Variants in BTC observed in about 807,000 individuals in gnomAD.
BTC encodes betacellulin, also known as probetacellulin.
In BTC, 13 loss-of-function variants were observed where a neutral mutation model predicts 18.1. The ratio of observed to expected loss-of-function variants is 0.72; its 90% CI spans 0.47 to 1.14. BTC has a LOEUF of 1.14. Ranked by LOEUF, BTC falls within the 50% of genes most tolerant of loss-of-function variation. The probability of loss-of-function intolerance (pLI) is 0.00; values close to 1 mark genes in which losing one functional copy is unlikely to be tolerated. For synonymous variants in BTC, 83 were observed against 79.4 expected (o/e 1.05, Z -0.24); for missense variants, 247 against 224.2 (o/e 1.10, Z -0.65).
intron 4 of BTC, 125 bp from the exon 5 acceptor site, chr4:74,748,274 C>T (rs766852907): frequency 2.0e-5 from 11 of 549,568 alleles, no homozygotes; most frequent in Non-Finnish European, 2.4e-5. Context: ...CTAGGCCGGG[C>T]GCAGTGGCTC....
rs782735592 is a variant in BTC at position 74,749,482 on chromosome 4, CAAAA to C, written c.428+1087_428+1090del. 3.4e-3 allele frequency among the ~76,000 whole-genome samples: 418 copies of C among 121,972 alleles called. 4 individuals are homozygous for C. The highest frequency in any genetic ancestry group is 0.033 in the Middle Eastern group (8 of 244). The allele number at this position is 121,972 out of a possible 152,430, so 80.0% of individuals were successfully genotyped here. A position where few individuals can be genotyped will look rare whatever the true frequency, so the allele number is the denominator to read the frequency against. ...TGGGCAACAGAGCAAGACTCTGTCT[CAAAA>C]TAAATAAATAAATAAATAAATAAAT... On this transcript the variant is annotated intron_variant, in intron 4 of 5. Transcript: ENST00000395743.
chr4:74,752,332 T>C (rs1047543445), intron 3 of BTC, among the ~76,000 whole-genome samples: 1 of 151,060 alleles, frequency 6.6e-6, no homozygotes. Flanking sequence ...TCTTGAGATA[T>C]CAAAAATCTG....
intron 2 of BTC, among the ~76,000 whole-genome samples, chr4:74,765,140 T>C (rs950397042): frequency 6.7e-6 from 1 of 149,364 alleles, no homozygotes; most frequent in Non-Finnish European, 1.5e-5. Context: ...GGTAAATATA[T>C]CCTAAAGAAA....
chr4:74,790,340 A>G (rs1403248097), intron 1 of BTC, among the ~76,000 whole-genome samples: 2 of 152,182 alleles, frequency 1.3e-5, no homozygotes, highest in Non-Finnish European at 2.9e-5. Context: ...CATTTAATTC[A>G]CGTAATTGCA....
chr4:74,791,231 A>G lies in BTC; in HGVS notation c.64+3031T>C, dbSNP rs116449484. On this transcript the variant is annotated intron_variant, in intron 1 of 5. Coordinates refer to ENST00000395743, the MANE Select transcript of BTC (RefSeq NM_001729.4). ...GTGGCGAGTGCCTGTTGTCCCAGCT[A>G]CTCGAGAGGCTGAGACAGGAGAGTC... Among the ~76,000 whole-genome samples, 249 of 152,210 alleles carry G rather than the reference A, an allele frequency of 1.6e-3. 1 individual carries two copies. Among genetic ancestry groups the G allele is most frequent in the African/African-American group, 5.7e-3 (236 of 41,536 alleles).
chr4:74,784,812 C>T (rs751260135), intron 1 of BTC, among the ~76,000 whole-genome samples: 4 of 152,144 alleles, frequency 2.6e-5, no homozygotes, highest in Non-Finnish European at 5.9e-5. Context: ...TGATATGCTG[C>T]TGGATTTGGT....
chr4:74,770,473 G>A (rs1220746446), intron 1 of BTC, among the ~76,000 whole-genome samples: 1 of 152,170 alleles, frequency 6.6e-6, no homozygotes, highest in Non-Finnish European at 1.5e-5. Context: ...GTCCCTGAGT[G>A]AAACTACTGA....
intron 1 of BTC, among the ~76,000 whole-genome samples, chr4:74,784,048 C>T (rs142489762): frequency 6.6e-6 from 1 of 151,938 alleles, no homozygotes; most frequent in African/African-American, 2.4e-5. Flanking sequence ...GCCTGGCCAA[C>T]ATGATGAAAC....
At chr4:74,772,261 G>A (rs906901320) in intron 1 of BTC, among the ~76,000 whole-genome samples, 6 of 152,160 alleles carry the variant, frequency 3.9e-5, no homozygotes, top group Non-Finnish European at 8.8e-5. Flanking sequence ...GAAAAAAGGA[G>A]TGACTCATGT....
chr4:74,780,821 T>C lies in BTC; in HGVS notation c.65-10665A>G, dbSNP rs1348817101. Among the ~76,000 whole-genome samples, 3 of 152,020 alleles carry C rather than the reference T, an allele frequency of 2.0e-5. No homozygotes were observed. In the East Asian group the frequency reaches 5.8e-4, roughly 29 times the overall value. On this transcript the variant is annotated intron_variant, in intron 1 of 5. Coordinates refer to ENST00000395743, the MANE Select transcript of BTC (RefSeq NM_001729.4). ...AAAAGCTCAATTGTCTTTTTAAAAA[T>C]TCTTCGTTATTGGTTTCCCAGGTTC...
At chr4:74,763,295 C>A (rs1724813269) in intron 2 of BTC, among the ~76,000 whole-genome samples, 1 of 152,072 alleles carries the variant, frequency 6.6e-6, no homozygotes, top group Non-Finnish European at 1.5e-5. Flanking sequence ...AATAACTTTA[C>A]CAAAATAATT....
rs115184906 is a variant in BTC, at chr4:74,760,088, A to C, written c.164-4112T>G. Among the ~76,000 whole-genome samples, 1,059 of 152,358 alleles carry C rather than the reference A, an allele frequency of 7.0e-3. 2 individuals carry two copies. Among genetic ancestry groups the C allele is most frequent in the Non-Finnish European group, 0.01 (704 of 68,040 alleles). On this transcript the variant is annotated intron_variant, in intron 2 of 5. Transcript: ENST00000395743. ...AGTGTTCATCCAAATGTATTCAATA[A>C]TTTTGTAGATGACATTAATATCAGC...
chr4:74,782,584 T>C (rs1441611399), intron 1 of BTC, among the ~76,000 whole-genome samples: 1 of 152,168 alleles, frequency 6.6e-6, no homozygotes. Flanking sequence ...ATCTTTATAG[T>C]AGAATAATTT....
chr4:74,749,159 G>A lies in BTC; in HGVS notation c.429-1010C>T, dbSNP rs200958456. Among the ~76,000 whole-genome samples the A allele has an allele frequency of 4.9e-4, 74 of 152,204 alleles. 1 individual carries two copies. The East Asian group carries it at 5.6e-3, about 12-fold the overall frequency. On this transcript the variant is annotated intron_variant, in intron 4 of 5. Coordinates refer to ENST00000395743, the MANE Select transcript of BTC (RefSeq NM_001729.4). ...AAATCAAGTACTCTGGCCGGGCGCG[G>A]TGGCTCATGCCTGTAATCCCAGCAC...
chr4:74,747,051 C>T (rs1724310697), intron 5 of BTC, among the ~76,000 whole-genome samples: 1 of 152,178 alleles, frequency 6.6e-6, no homozygotes, highest in African/African-American at 2.4e-5. Flanking sequence ...TACGTGTGAG[C>T]CTCTGGTTTG....
chr4:74,760,800 T>C (rs1355413726), intron 2 of BTC, among the ~76,000 whole-genome samples: 2 of 151,022 alleles, frequency 1.3e-5, no homozygotes, highest in African/African-American at 4.9e-5. Flanking sequence ...AGTGGCACAA[T>C]CTCGGCTCAC....
intron 4 of BTC, among the ~76,000 whole-genome samples, chr4:74,749,195 C>T (rs562375991): frequency 6.3e-4 from 96 of 152,014 alleles, no homozygotes; most frequent in African/African-American, 2.3e-3. Context: ...TTTGGGATGC[C>T]GAGGTAGGTG....
chr4:74,759,727 G>A (rs1553957108), intron 2 of BTC, among the ~76,000 whole-genome samples: 1 of 151,510 alleles, frequency 6.6e-6, no homozygotes, highest in Non-Finnish European at 1.5e-5. Context: ...CTAAGGGTTT[G>A]CAAAAGGAAT....
chr4:74,744,775 ATTTAT>A lies in BTC; in HGVS notation c.*1897_*1901del, dbSNP rs1360101692. 2 of 152,214 alleles carry A rather than the reference ATTTAT, an allele frequency of 1.3e-5. No homozygotes were observed. The highest frequency in any genetic ancestry group is 4.8e-5 in the African/African-American group (2 of 41,464). 9.4% of individuals were successfully genotyped at this position (152,214 alleles called of 1,614,324 possible). A position where few individuals can be genotyped will look rare whatever the true frequency, so the allele number is the denominator to read the frequency against. ...CACGTTTACTTTGTTTTAAAAATAA[ATTTAT>A]TTTATTACATGATAATATTGACAGT... On this transcript the variant is annotated 3_prime_UTR_variant, in exon 6 of 6. Coordinates refer to ENST00000395743, the MANE Select transcript of BTC (RefSeq NM_001729.4).
Sources: allele counts gnomAD v4.1 joint callset (sites outside exome capture counted in the v4.1 genomes callset), GRCh38; gene constraint gnomAD v4.1.1; transcripts MANE v1.5; gene names NCBI Gene and HGNC (gene_info 2026-07-23, HGNC 2026-07-21).